Variants in CEP112 observed in about 807,000 individuals in gnomAD.
The protein encoded by CEP112 is centrosomal protein 112.
CEP112 carries 127 observed loss-of-function variants against 153.0 expected under a neutral mutation model. The ratio of observed to expected loss-of-function variants is 0.83; its 90% CI spans 0.72 to 0.96. CEP112 has a LOEUF of 0.96. CEP112 is among the 40% of genes least tolerant of loss of function. CEP112 has a pLI of 0.00. For synonymous variants in CEP112, 358 were observed against 374.4 expected (o/e 0.96, Z 0.51); for missense variants, 1,089 against 1,101.2 (o/e 0.99, Z 0.16).
At chr17:66,035,468 A>C (rs937128700) in intron 12 of CEP112, among the ~76,000 whole-genome samples, 2 of 152,090 alleles carry the variant, frequency 1.3e-5, no homozygotes, top group African/African-American at 4.8e-5. Context: ...AGTTGTGGAG[A>C]AACTGGTACC....
chr17:65,969,758 T>C (rs12941733), intron 17 of CEP112, among the ~76,000 whole-genome samples: 62,836 of 151,944 alleles, frequency 0.41, 14,364 homozygotes, highest in East Asian at 0.87. Context: ...CGAATGCTTA[T>C]TACATGTAAA....
intron 23 of CEP112, among the ~76,000 whole-genome samples, chr17:65,707,194 T>C (rs781321641): frequency 1.3e-5 from 2 of 152,208 alleles, no homozygotes; most frequent in Non-Finnish European, 1.5e-5. Context: ...GGAGTTATCA[T>C]TGAATCCCTT....
At chr17:66,171,348 C>T (rs1176084914) in intron 4 of CEP112, among the ~76,000 whole-genome samples, 4 of 152,216 alleles carry the variant, frequency 2.6e-5, no homozygotes, top group African/African-American at 9.6e-5. Flanking sequence ...TTTCAAAGGA[C>T]AAGTTGAAGT....
chr17:65,889,498 C>T (rs1163388839), intron 20 of CEP112, among the ~76,000 whole-genome samples: 2 of 152,036 alleles, frequency 1.3e-5, no homozygotes, highest in Non-Finnish European at 2.9e-5. Flanking sequence ...TCTCATGGTT[C>T]CCTGCCTCTC....
chr17:65,911,794 T>C (rs1405016319), intron 19 of CEP112, among the ~76,000 whole-genome samples: 1 of 152,222 alleles, frequency 6.6e-6, no homozygotes, highest in Non-Finnish European at 1.5e-5. Context: ...TTCTAGAAAA[T>C]TGTTTTTGTC....
intron 16 of CEP112, among the ~76,000 whole-genome samples, chr17:66,016,604 T>C (rs144383834): frequency 0.015 from 2,291 of 152,160 alleles, 26 homozygotes; most frequent in Non-Finnish European, 0.026. Context: ...CCTGCTTCAC[T>C]GGTACTCTAA....
chr17:66,013,782 TG>T (rs2064644568), intron 16 of CEP112, among the ~76,000 whole-genome samples: 1 of 151,978 alleles, frequency 6.6e-6, no homozygotes. Flanking sequence ...GACCAGCAAC[TG>T]CCAGCCTCTG....
intron 23 of CEP112, among the ~76,000 whole-genome samples, chr17:65,692,704 T>G (rs1179088546): frequency 6.6e-6 from 1 of 152,176 alleles, no homozygotes; most frequent in African/African-American, 2.4e-5. Context: ...AGTATGGACT[T>G]CTCTGGGCTT....
intron 21 of CEP112, among the ~76,000 whole-genome samples, chr17:65,760,105 T>C (rs979712116): frequency 1.3e-5 from 2 of 152,204 alleles, no homozygotes; most frequent in African/African-American, 2.4e-5. Context: ...TTTTTATTTA[T>C]TAACCTTGCA....
At chr17:66,158,370 T>C (rs1019693870) in intron 4 of CEP112, among the ~76,000 whole-genome samples, 1 of 152,148 alleles carries the variant, frequency 6.6e-6, no homozygotes, top group African/African-American at 2.4e-5. Context: ...CCCAGCACTT[T>C]GGGAGGCCGA....
At chr17:65,926,436 G>A (rs1169381571) in intron 19 of CEP112, among the ~76,000 whole-genome samples, 1 of 152,136 alleles carries the variant, frequency 6.6e-6, no homozygotes, top group Non-Finnish European at 1.5e-5. Flanking sequence ...CTTCAGGCCG[G>A]GTGTGGTGGC....
rs552378218 is a variant in CEP112, at chr17:66,018,699, C to T, written c.1656+8802G>A. ...ACTATTTTAAACATGATTTAAAAAG[C>T]GTGCATGATTGCTAGGCATTGGAAT... On this transcript the variant is annotated intron_variant, in intron 16 of 26. Coordinates refer to ENST00000535342, the MANE Select transcript of CEP112 (RefSeq NM_001199165.4). Among the ~76,000 whole-genome samples the T allele has an allele frequency of 1.9e-3, 282 of 152,186 alleles. 2 individuals carry two copies. Among genetic ancestry groups the T allele is most frequent in the African/African-American group, 6.5e-3 (270 of 41,528 alleles).
At chr17:65,755,977 TATCCAGTGTATATACTGGATGAG>T (rs1239914245) in intron 21 of CEP112, among the ~76,000 whole-genome samples, 1 of 152,132 alleles carries the variant, frequency 6.6e-6, no homozygotes, top group African/African-American at 2.4e-5. Flanking sequence ...GATCCCAAGA[TATCCAGTGTATATACTGGATGAG>T]ATCCCAAGTA....
chr17:66,053,747 T>G lies in CEP112; in HGVS notation c.1207A>C (p.Thr403Pro). Reference protein sequence around the residue: ...NKMESEYMAQTQSTNHMIKEL... With the variant: ...NKMESEYMAQPQSTNHMIKEL... ...GTTTAAAGACTCACTGTGGACTGTG[T>G]TTGCGCCATGTATTCACTCTCCATT... The change falls in exon 12 of 27, where the codon ACA (threonine) becomes CCA (proline). Residue 403 changes from threonine to proline, a missense_variant. Physicochemically the swap from Thr to Pro is conservative, Grantham distance 38. Transcript: ENST00000535342. 1 of 1,612,956 alleles carries G rather than the reference T, an allele frequency of 6.2e-7. No homozygotes were observed. The highest frequency in any genetic ancestry group is 1.7e-4 in the Middle Eastern group (1 of 6,058).
At chr17:65,725,047 CTGAT>C (rs1231529287) in intron 23 of CEP112, among the ~76,000 whole-genome samples, 3 of 152,200 alleles carry the variant, frequency 2.0e-5, no homozygotes, top group Non-Finnish European at 4.4e-5. Flanking sequence ...AACAAAGTCT[CTGAT>C]TGAACAGTTT....
intron 17 of CEP112, among the ~76,000 whole-genome samples, chr17:65,988,824 G>A (rs184212629): frequency 4.9e-4 from 75 of 152,154 alleles, no homozygotes; most frequent in African/African-American, 1.8e-3. Context: ...TGTCCAAGAG[G>A]GAGTTGAGAA....
intron 21 of CEP112, among the ~76,000 whole-genome samples, chr17:65,805,889 A>G (rs1309527165): frequency 7.2e-5 from 11 of 152,194 alleles, no homozygotes; most frequent in Admixed American, 7.2e-4. Context: ...TTATCACTTT[A>G]GTTTTCCTGT....
At chr17:65,713,134 G>T (rs2049294402) in intron 23 of CEP112, among the ~76,000 whole-genome samples, 1 of 152,172 alleles carries the variant, frequency 6.6e-6, no homozygotes, top group Non-Finnish European at 1.5e-5. Flanking sequence ...TAGGTAGACA[G>T]TACATGGCAA....
chr17:65,969,621 T>A (rs1269474766), intron 17 of CEP112, among the ~76,000 whole-genome samples: 1 of 152,244 alleles, frequency 6.6e-6, no homozygotes, highest in Non-Finnish European at 1.5e-5. Context: ...GTGTGCCGCA[T>A]GCACTGCACA....
Sources: gnomAD v4.1 joint callset for allele counts (sites outside exome capture counted in the v4.1 genomes callset) on GRCh38, gnomAD v4.1.1 for gene constraint, MANE v1.5 for transcripts, NCBI Gene and HGNC (gene_info 2026-07-23, HGNC 2026-07-21) for gene names.